Variants in PCDH7 observed in about 807,000 individuals in gnomAD.
The protein encoded by PCDH7 is protocadherin 7.
Under a neutral mutation model 58.9 loss-of-function variants are expected in PCDH7, and 17 were observed. The ratio of observed to expected loss-of-function variants is 0.29; its 90% CI spans 0.20 to 0.43. The LOEUF (loss-of-function observed/expected upper bound fraction) is 0.43, where lower values mean the gene tolerates loss of function less well. PCDH7 is among the 20% of genes least tolerant of loss of function. PCDH7 has a pLI of 1.00. For synonymous variants in PCDH7, 664 were observed against 616.4 expected (o/e 1.08, Z -1.14); for missense variants, 1,274 against 1,441.0 (o/e 0.88, Z 1.88).
intron 1 of PCDH7, among the ~76,000 whole-genome samples, chr4:30,797,101 C>T (rs1190440167): frequency 3.9e-5 from 6 of 152,066 alleles, no homozygotes; most frequent in South Asian, 2.1e-4. Context: ...GCTGGGACTA[C>T]AGGCGCATGC....
At chr4:31,091,798 TAACTC>T (rs1441024625) in intron 3 of PCDH7, among the ~76,000 whole-genome samples, 2 of 152,018 alleles carry the variant, frequency 1.3e-5, no homozygotes, top group African/African-American at 2.4e-5. Flanking sequence ...AGTTTCCACT[TAACTC>T]AAGAATTTTA....
intron 1 of PCDH7, among the ~76,000 whole-genome samples, chr4:30,787,573 G>A (rs1577804067): frequency 6.6e-6 from 1 of 152,072 alleles, no homozygotes; most frequent in Non-Finnish European, 1.5e-5. Flanking sequence ...TTCTAGGAAT[G>A]TATGGCCATT....
chr4:30,976,010 T>A (rs1750034658), intron 3 of PCDH7, among the ~76,000 whole-genome samples: 1 of 152,202 alleles, frequency 6.6e-6, no homozygotes. Context: ...TGTTCCTAAA[T>A]GCCATCACTT....
intron 1 of PCDH7, among the ~76,000 whole-genome samples, chr4:30,773,154 T>TG (rs1223241119): frequency 6.6e-6 from 1 of 152,190 alleles, no homozygotes; most frequent in African/African-American, 2.4e-5. Flanking sequence ...CCACCCACCT[T>TG]GGCCTCCCAA....
At chr4:30,892,295 T>C (rs1319547268) in intron 1 of PCDH7, among the ~76,000 whole-genome samples, 1 of 152,078 alleles carries the variant, frequency 6.6e-6, no homozygotes, top group Non-Finnish European at 1.5e-5. Context: ...TATAAATATA[T>C]TCTTAGAAAA....
In PCDH7 at chr4:31,129,958, T is replaced by C. The variant is rs149360868; in HGVS notation, c.*8-12515T>C. On this transcript the variant is annotated intron_variant, in intron 3 of 3. Transcript: ENST00000509759. ...TTTTTTTTTATTAGGTACAGTTTTC[T>C]GCTAATCACTAGGAGGGAAACAGGT... Among the ~76,000 whole-genome samples, 12 of 152,106 alleles carry C rather than the reference T, an allele frequency of 7.9e-5. No individual in the cohort carries two copies. The East Asian group carries it at 1.2e-3, about 15-fold the overall frequency.
intron 1 of PCDH7, among the ~76,000 whole-genome samples, chr4:30,887,174 G>A (rs546597988): frequency 8.5e-5 from 13 of 152,162 alleles, no homozygotes; most frequent in Admixed American, 3.3e-4. Context: ...CTTGTTCTTG[G>A]CAAACATAGC....
chr4:30,823,155 G>T (rs1309132843), intron 1 of PCDH7, among the ~76,000 whole-genome samples: 2 of 152,036 alleles, frequency 1.3e-5, no homozygotes, highest in East Asian at 1.9e-4. Context: ...CTTTTGCTTC[G>T]CAGGGTTGAT....
chr4:30,858,744 T>C (rs752757048), intron 1 of PCDH7, among the ~76,000 whole-genome samples: 6 of 152,198 alleles, frequency 3.9e-5, no homozygotes, highest in African/African-American at 7.2e-5. Flanking sequence ...ACCATTGGGT[T>C]AGCATCCCTT....
At chr4:30,947,625 A>T (rs1376729175) in intron 2 of PCDH7, among the ~76,000 whole-genome samples, 1 of 152,198 alleles carries the variant, frequency 6.6e-6, no homozygotes. Context: ...GATTCAATGC[A>T]TATAGTATAT....
chr4:30,726,280 T>C (rs755225857), intron 1 of PCDH7, among the ~76,000 whole-genome samples: 2 of 151,884 alleles, frequency 1.3e-5, no homozygotes, highest in Non-Finnish European at 1.5e-5. Flanking sequence ...TGCAAAGGAG[T>C]GTGAAGAGAT....
At chr4:30,755,095 G>A (rs1282674454) in intron 1 of PCDH7, among the ~76,000 whole-genome samples, 2 of 152,100 alleles carry the variant, frequency 1.3e-5, no homozygotes, top group Non-Finnish European at 2.9e-5. Context: ...TTGGAACCTA[G>A]GGCTAGCTGA....
At chr4:31,010,166 G>A (rs1651589747) in intron 3 of PCDH7, among the ~76,000 whole-genome samples, 1 of 151,860 alleles carries the variant, frequency 6.6e-6, no homozygotes, top group African/African-American at 2.4e-5. Context: ...TTATAAAGCT[G>A]GGAGGGTTTT....
intron 3 of PCDH7, among the ~76,000 whole-genome samples, chr4:30,952,176 A>T (rs1204308088): frequency 6.6e-6 from 1 of 152,162 alleles, no homozygotes; most frequent in African/African-American, 2.4e-5. Flanking sequence ...AAACTGAATC[A>T]ATATAAAATA....
intron 1 of PCDH7, among the ~76,000 whole-genome samples, chr4:30,861,880 T>C (rs1578082674): frequency 1.3e-5 from 2 of 152,252 alleles, no homozygotes; most frequent in South Asian, 4.1e-4. Flanking sequence ...TTATTTGACT[T>C]TGTTCCCCCC....
At chr4:30,837,587 G>A (rs1730650618) in intron 1 of PCDH7, among the ~76,000 whole-genome samples, 2 of 151,900 alleles carry the variant, frequency 1.3e-5, no homozygotes, top group Admixed American at 1.3e-4. Flanking sequence ...GGAGTATGTA[G>A]AGTGTTTGAG....
At chr4:30,915,903 A>G (rs138605723) in intron 1 of PCDH7, among the ~76,000 whole-genome samples, 18 of 152,056 alleles carry the variant, frequency 1.2e-4, no homozygotes, top group African/African-American at 4.1e-4. Context: ...TGTATTATCT[A>G]TCCAATTTCT....
intron 3 of PCDH7, among the ~76,000 whole-genome samples, chr4:31,134,025 C>T (rs189140282): frequency 6.6e-6 from 1 of 152,214 alleles, no homozygotes; most frequent in East Asian, 1.9e-4. Context: ...AATTAAAGGA[C>T]CAGAATTTCT....
intron 1 of PCDH7, among the ~76,000 whole-genome samples, chr4:30,862,363 C>G (rs1296640589): frequency 2.6e-5 from 4 of 152,162 alleles, no homozygotes; most frequent in Non-Finnish European, 5.9e-5. Flanking sequence ...TCACATTATT[C>G]TCTCCACAGA....
Sources: gnomAD v4.1 joint callset for allele counts (sites outside exome capture counted in the v4.1 genomes callset) on GRCh38, gnomAD v4.1.1 for gene constraint, MANE v1.5 for transcripts, NCBI Gene and HGNC (gene_info 2026-07-23, HGNC 2026-07-21) for gene names.